Variants in BICD1 observed in about 807,000 individuals in gnomAD.
The protein encoded by BICD1 is BICD cargo adaptor 1.
BICD1 carries 35 observed loss-of-function variants against 92.5 expected under a neutral mutation model. That is an observed-to-expected ratio of 0.38 (90% CI 0.29 to 0.50). The LOEUF is 0.50. Ranked by LOEUF, BICD1 falls within the 20% of genes least tolerant of loss-of-function variation. The pLI, the probability that BICD1 is intolerant of heterozygous loss-of-function variation, is 0.93. For synonymous variants in BICD1, 429 were observed against 465.1 expected (o/e 0.92, Z 1.00); for missense variants, 950 against 1,189.8 (o/e 0.80, Z 2.97).
At chr12:32,363,193 A>C (rs937979969) in intron 8 of BICD1, among the ~76,000 whole-genome samples, 6 of 152,180 alleles carry the variant, frequency 3.9e-5, no homozygotes, top group Non-Finnish European at 8.8e-5. Flanking sequence ...CTTCTTGTGC[A>C]TATCGAGACA....
chr12:32,274,332 TGTACTCACA>T (rs1434379433), intron 2 of BICD1, among the ~76,000 whole-genome samples: 1 of 152,172 alleles, frequency 6.6e-6, no homozygotes, highest in Non-Finnish European at 1.5e-5. Context: ...GTTACCCTAT[TGTACTCACA>T]GTCATGGAAT....
chr12:32,353,887 A>T (rs1458639399), intron 8 of BICD1: 4 of 152,158 alleles, frequency 2.6e-5, no homozygotes, highest in Non-Finnish European at 5.9e-5. Flanking sequence ...GTCATTTCTA[A>T]ACAGAAGGTT....
At chr12:32,300,855 G>A (rs1433975361) in intron 3 of BICD1, among the ~76,000 whole-genome samples, 4 of 151,274 alleles carry the variant, frequency 2.6e-5, no homozygotes, top group Non-Finnish European at 4.4e-5. Flanking sequence ...GTTTCACTGT[G>A]TTAGCCAGTA....
chr12:32,342,170 A>G (rs866546342), intron 8 of BICD1, among the ~76,000 whole-genome samples: 7 of 81,090 alleles, frequency 8.6e-5, no homozygotes, highest in East Asian at 2.5e-4. Flanking sequence ...ATATATGTAT[A>G]TATATATGTG....
intron 2 of BICD1, among the ~76,000 whole-genome samples, chr12:32,228,392 C>T (rs1945768603): frequency 1.3e-5 from 2 of 152,148 alleles, no homozygotes; most frequent in African/African-American, 4.8e-5. Context: ...ATCTGTGTGT[C>T]TATCCTTTCA....
rs551404740 is a variant in BICD1, at chr12:32,201,924, G to A, written c.214-14323G>A. The stretch of plus-strand genomic sequence containing the variant: ...AATCTCCTCTTAGACTGCTTGCTGA[G>A]CACATATACTTTCCGTATGCTGATT... On this transcript the variant is annotated intron_variant, in intron 1 of 9. Transcript: ENST00000652176. Among the ~76,000 whole-genome samples the A allele has an allele frequency of 3.8e-4, 58 of 152,304 alleles. 1 individual carries two copies. Among genetic ancestry groups the A allele is most frequent in the African/African-American group, 1.4e-3 (57 of 41,564 alleles).
intron 1 of BICD1, among the ~76,000 whole-genome samples, chr12:32,199,952 G>A (rs754000524): frequency 2.0e-5 from 3 of 152,036 alleles, no homozygotes; most frequent in African/African-American, 4.8e-5. Context: ...GTGGGCTTTC[G>A]TTACATTCCA....
chr12:32,203,191 A>G (rs1944955544), intron 1 of BICD1, among the ~76,000 whole-genome samples: 1 of 152,238 alleles, frequency 6.6e-6, no homozygotes, highest in Non-Finnish European at 1.5e-5. Flanking sequence ...ACAAAAATCA[A>G]TTTCAGGGAG....
chr12:32,187,657 G>T (rs571712107), intron 1 of BICD1, among the ~76,000 whole-genome samples: 14 of 152,134 alleles, frequency 9.2e-5, no homozygotes, highest in African/African-American at 3.4e-4. Context: ...GGGCAACAGA[G>T]CGAGACTCCA....
At chr12:32,297,045 G>C (rs982577979) in intron 3 of BICD1, among the ~76,000 whole-genome samples, 1 of 152,082 alleles carries the variant, frequency 6.6e-6, no homozygotes, top group African/African-American at 2.4e-5. Context: ...ATCATTTTCT[G>C]CACAGAGCAC....
intron 1 of BICD1, among the ~76,000 whole-genome samples, chr12:32,161,261 A>C (rs563302142): frequency 6.6e-6 from 1 of 152,356 alleles, no homozygotes; most frequent in Non-Finnish European, 1.5e-5. Context: ...GCCGTATAAC[A>C]AATGAAAGGG....
chr12:32,194,454 CCA>C (rs1944666979), intron 1 of BICD1, among the ~76,000 whole-genome samples: 1 of 152,124 alleles, frequency 6.6e-6, no homozygotes, highest in Non-Finnish European at 1.5e-5. Context: ...CCTAAAGATT[CCA>C]CAGTTAGAAC....
Position 32,377,588 on chromosome 12 carries a change from C to T in BICD1, c.2889C>T (p.Cys963=), listed in dbSNP as rs771135914. Reference sequence around the variant, plus strand: ...AGCAGCCACATTCCAGCTCCCAGTGCGCCCCTCTCCACTGTCTCTCCAAGC... The same window carrying T: ...AGCAGCCACATTCCAGCTCCCAGTGTGCCCCTCTCCACTGTCTCTCCAAGC... ...PEEQPHSSSQ[C]APLHCLSKPP... is the part of the protein sequence containing the mutation. The change falls in exon 10 of 10, where the codon TGC becomes TGT. Residue 963 remains cysteine, a synonymous_variant. Transcript: ENST00000652176. 5 of 1,613,992 alleles carry T rather than the reference C, an allele frequency of 3.1e-6. No homozygotes were observed. The highest frequency in any genetic ancestry group is 1.6e-4 in the Middle Eastern group (1 of 6,084).
At chr12:32,249,308 C>T (rs189563516) in intron 2 of BICD1, among the ~76,000 whole-genome samples, 1 of 152,262 alleles carries the variant, frequency 6.6e-6, no homozygotes, top group Non-Finnish European at 1.5e-5. Context: ...CCAAGGTGTA[C>T]AGGGATCTCT....
intron 1 of BICD1, among the ~76,000 whole-genome samples, chr12:32,146,112 A>G (rs1943093578): frequency 1.3e-5 from 2 of 152,242 alleles, no homozygotes; most frequent in Non-Finnish European, 2.9e-5. Flanking sequence ...GAACCCAATT[A>G]TTCTTCCCTT....
intron 1 of BICD1, among the ~76,000 whole-genome samples, chr12:32,203,207 G>A (rs1223610865): frequency 6.6e-6 from 1 of 152,300 alleles, no homozygotes; most frequent in East Asian, 1.9e-4. Flanking sequence ...GGGAGATTAA[G>A]GGACTTAAGT....
At chr12:32,359,739 A>C (rs985768069) in intron 8 of BICD1, among the ~76,000 whole-genome samples, 1 of 152,212 alleles carries the variant, frequency 6.6e-6, no homozygotes, top group African/African-American at 2.4e-5. Context: ...GTTCTATGAT[A>C]GCAATTGTTC....
In BICD1 at chr12:32,107,414, C is replaced by A; in HGVS notation, c.83C>A (p.Thr28Asn). ...CTAACCAAGGAGCTCACGGAGACCA[C>A]CCACGAGAAGATCCAGGCTGCCGAG... The part of the protein sequence containing the change: ...ERLTKELTET[T>N]HEKIQAAEYG... The change falls in exon 1 of 10, where the codon ACC (threonine) becomes AAC (asparagine). Residue 28 changes from threonine to asparagine, a missense_variant. Thr to Asn is a moderately conservative substitution (Grantham distance 65). This residue lies in a region of BICD1 where 202 missense variants were observed against 205.3 expected (regional missense o/e 0.98). Transcript: ENST00000652176. 1.2e-6 allele frequency: 2 copies of A among 1,612,132 alleles called. No individual in the cohort carries two copies. The highest frequency in any genetic ancestry group is 1.7e-6 in the Non-Finnish European group (2 of 1,179,314).
Position 32,173,085 on chromosome 12 carries a change from G to T in BICD1, c.214-43162G>T, listed in dbSNP as rs557510603. ...TTTTTTGGAGACAGCGTCTCACTCT[G>T]TCGCCAGGCTGGAGTGCAGTGGCAC... On this transcript the variant is annotated intron_variant, in intron 1 of 9. Coordinates refer to ENST00000652176, the MANE Select transcript of BICD1 (RefSeq NM_001714.4). Among the ~76,000 whole-genome samples, 559 of 151,568 alleles carry T rather than the reference G, an allele frequency of 3.7e-3. 2 individuals are homozygous for T. The highest frequency in any genetic ancestry group is 4.9e-3 in the Non-Finnish European group (331 of 67,926).
Sources: gnomAD v4.1 joint callset for allele counts (sites outside exome capture counted in the v4.1 genomes callset) on GRCh38, gnomAD v4.1.1 for gene constraint, gnomAD v4.1.1 regional missense constraint, MANE v1.5 for transcripts, NCBI Gene and HGNC (gene_info 2026-07-23, HGNC 2026-07-21) for gene names.